The following LIMCH1 variants were observed in gnomAD, a reference collection of about 807,000 sequenced individuals.
LIMCH1 encodes LIM and calponin homology domains-containing protein 1.
LIMCH1 carries 113 observed loss-of-function variants against 176.5 expected under a neutral mutation model. The observed-to-expected ratio is 0.64, with a 90% CI of 0.55 to 0.75. LIMCH1 has a LOEUF of 0.75. Ranked by LOEUF, LIMCH1 falls within the 30% of genes least tolerant of loss-of-function variation. LIMCH1 has a pLI of 0.00. For synonymous variants in LIMCH1, 619 were observed against 645.9 expected, an observed-to-expected ratio of 0.96 and a Z score of 0.63; for missense variants, 1,674 against 1,814.9, an observed-to-expected ratio of 0.92 and a Z score of 1.41.
chr4:41,615,570 A>G (rs1346156916), intron 5 of LIMCH1, among the ~76,000 whole-genome samples: 11 of 152,194 alleles, frequency 7.2e-5, no homozygotes, highest in Admixed American at 7.2e-4. Context: ...TCAAGACCTA[A>G]TGAGATTCTT....
In LIMCH1 at chr4:41,406,328, T is replaced by G. The variant is rs139784199; in HGVS notation, c.96+45392T>G. On this transcript the variant is annotated intron_variant, in intron 1 of 26. Coordinates refer to the LIMCH1 transcript ENST00000313860. ...GTATGTTTTATGGTAGCTCTTTTAG[T>G]TGATTGCTTTCATTTTTCTTTGGGA... Among the ~76,000 whole-genome samples the G allele has an allele frequency of 8.6e-4, 131 of 152,352 alleles. 1 individual carries two copies. In the East Asian group the frequency reaches 0.023, roughly 27 times the overall value.
intron 17 of LIMCH1, among the ~76,000 whole-genome samples, chr4:41,647,900 A>C (rs2094130872): frequency 6.6e-6 from 1 of 152,230 alleles, no homozygotes; most frequent in African/African-American, 2.4e-5. Flanking sequence ...TTGTCCCCTT[A>C]TAAGGGCAGG....
chr4:41,682,346 T>A lies in LIMCH1; in HGVS notation c.3731T>A (p.Leu1244Gln). Reference protein sequence around the residue: ...EGSGTMNKIDLGNCQDEKQDR... With the variant: ...EGSGTMNKIDQGNCQDEKQDR... ...TTTTCTCCTTAGAATAAGATAGACC[T>A]GGGAAACTGTCAAGATGAAAAACAA... Residue 1244 changes from leucine to glutamine, a missense_variant, in exon 26 of 32, where the codon CTG (leucine) becomes CAG (glutamine). Leu to Gln is a moderately radical substitution (Grantham distance 113). Transcript: ENST00000503057. 1 of 1,611,096 alleles carries A rather than the reference T, an allele frequency of 6.2e-7. No homozygotes were observed. The highest frequency in any genetic ancestry group is 2.2e-5 in the East Asian group (1 of 44,800).
intron 13 of LIMCH1, among the ~76,000 whole-genome samples, chr4:41,637,982 C>T (rs6830246): frequency 0.27 from 41,441 of 152,032 alleles, 5,983 homozygotes; most frequent in Middle Eastern, 0.35. Context: ...GTATTTTCTT[C>T]ACTATTCTTT....
At position 41,650,611 on chromosome 4, in the gene LIMCH1, A is replaced by G; in HGVS notation, c.3036+3A>G. ...ACTCTGTTCCCCAAGAGCTCGCAGTAAGAACCAAACATTTCCCCGCCTCCC... is the reference window on the plus strand; with the variant it reads ...ACTCTGTTCCCCAAGAGCTCGCAGTGAGAACCAAACATTTCCCCGCCTCCC... On this transcript the variant is annotated splice_donor_region_variant and intron_variant, in intron 18 of 31. Coordinates refer to ENST00000503057, the MANE Select transcript of LIMCH1 (RefSeq NM_001330672.2). 6.2e-7 allele frequency: 1 copy of G among 1,610,524 alleles called. No individual in the cohort carries two copies. Among genetic ancestry groups the G allele is most frequent in the South Asian group, 1.1e-5 (1 of 90,528 alleles).
chr4:41,600,894 C>CTGTA (rs2089800553), intron 2 of LIMCH1, among the ~76,000 whole-genome samples: 1 of 152,172 alleles, frequency 6.6e-6, no homozygotes, highest in South Asian at 2.1e-4. Flanking sequence ...TTCTTAGTTA[C>CTGTA]TGTACCATCT....
rs748123070 is a variant in LIMCH1 at position 41,687,821 on chromosome 4, C to T, written c.4089-19C>T. On this transcript the variant is annotated intron_variant, in intron 28 of 31. Transcript: ENST00000503057. ...TCTCTTTGCTTGTCATAATTTTTGA[C>T]TCCTTTACCACATTACAGGAAAAGT... The T allele has an allele frequency of 6.4e-7, 1 of 1,559,438 alleles. No individual in the cohort carries two copies. Among genetic ancestry groups the T allele is most frequent in the Non-Finnish European group, 8.8e-7 (1 of 1,133,924 alleles).
intron 1 of LIMCH1, among the ~76,000 whole-genome samples, chr4:41,370,648 T>C (rs2053820986): frequency 6.6e-6 from 1 of 152,180 alleles, no homozygotes; most frequent in African/African-American, 2.4e-5. Flanking sequence ...AGAAGCCTGA[T>C]TCATTATGCT....
chr4:41,550,744 G>A (rs569527886), intron 1 of LIMCH1, among the ~76,000 whole-genome samples: 5 of 152,246 alleles, frequency 3.3e-5, no homozygotes, highest in African/African-American at 9.6e-5. Context: ...AGCTTACTAA[G>A]ATTAGAGAAT....
chr4:41,527,575 C>T (rs1351962352), intron 3 of LIMCH1, among the ~76,000 whole-genome samples: 1 of 152,144 alleles, frequency 6.6e-6, no homozygotes, highest in African/African-American at 2.4e-5. Flanking sequence ...GTGGCTCACG[C>T]CTGTAATCCC....
intron 4 of LIMCH1, among the ~76,000 whole-genome samples, chr4:41,610,430 A>C (rs181161556): frequency 6.6e-6 from 1 of 152,276 alleles, no homozygotes; most frequent in Admixed American, 6.5e-5. Context: ...ATGAAGAGAG[A>C]GATAGAGGAG....
At chr4:41,606,079 AT>A in intron 4 of LIMCH1, 75 bp downstream of exon 4, 1 of 1,000,888 alleles carries the variant, frequency 1.0e-6, no homozygotes, top group Non-Finnish European at 1.6e-6. Flanking sequence ...TGTTTTTAAG[AT>A]TACTAGAGTA....
intron 1 of LIMCH1, among the ~76,000 whole-genome samples, chr4:41,443,335 A>C (rs1198643204): frequency 6.6e-6 from 1 of 152,114 alleles, no homozygotes; most frequent in Non-Finnish European, 1.5e-5. Flanking sequence ...AACACAGTGA[A>C]TTCAGACCAC....
intron 19 of LIMCH1, 109 bp from the exon 20 acceptor site, chr4:41,662,712 A>C (rs2094668857): frequency 8.6e-7 from 1 of 1,160,310 alleles, no homozygotes; most frequent in African/African-American, 1.5e-5. Flanking sequence ...TTATATTGCC[A>C]GGACGGGATA....
Position 41,632,835 on chromosome 4 carries a change from G to GA in LIMCH1, c.1688_1689insA (p.Ser563ArgfsTer33), listed in dbSNP as rs1562004596. 2 of 1,536,228 alleles carry GA rather than the reference G, an allele frequency of 1.3e-6. No individual in the cohort carries two copies. Among genetic ancestry groups the GA allele is most frequent in the Non-Finnish European group, 1.7e-6 (2 of 1,146,918 alleles). The stretch of plus-strand genomic sequence containing the variant: ...GAGTCTCAGGAAGAGTGGGTCTGCA[G>GA]TTTGGGCGAGTGCCCGAGGGGGACA... On this transcript the variant is annotated frameshift_variant, in exon 11 of 32. Transcript: ENST00000503057. LOFTEE classifies it high-confidence loss of function.
chr4:41,555,721 T>G (rs540635150), intron 1 of LIMCH1, among the ~76,000 whole-genome samples: 17 of 152,236 alleles, frequency 1.1e-4, no homozygotes, highest in African/African-American at 3.6e-4. Flanking sequence ...TGTAAAGTGC[T>G]GAGGTGAAAG....
intron 2 of LIMCH1, among the ~76,000 whole-genome samples, chr4:41,600,546 G>A (rs1034011478): frequency 3.3e-5 from 5 of 152,070 alleles, no homozygotes; most frequent in Non-Finnish European, 7.4e-5. Flanking sequence ...AGAATTCTGA[G>A]CCTGATTGGT....
rs149121079 is a variant in LIMCH1, at chr4:41,454,717, C to A, written c.97-39819C>A. 4.6e-5 allele frequency among the ~76,000 whole-genome samples: 7 copies of A among 152,126 alleles called. No individual in the cohort carries two copies. The South Asian group carries it at 1.5e-3, about 32-fold the overall frequency. On this transcript the variant is annotated intron_variant, in intron 1 of 26. Coordinates refer to the LIMCH1 transcript ENST00000313860. ...GCAGAGACGCAAGCTATGCAGGGCA[C>A]GTCAACATTCACAGCAAGCTATTTT...
chr4:41,383,184 A>C (rs906235149), intron 1 of LIMCH1, among the ~76,000 whole-genome samples: 7 of 152,214 alleles, frequency 4.6e-5, no homozygotes, highest in Non-Finnish European at 8.8e-5. Context: ...CTGCTAATTC[A>C]CTTAGTAAGC....
Sources: allele counts gnomAD v4.1 joint callset (sites outside exome capture counted in the v4.1 genomes callset), GRCh38; gene constraint gnomAD v4.1.1; transcripts MANE v1.5; gene names NCBI Gene and HGNC (gene_info 2026-07-23, HGNC 2026-07-21).